C5: variants seen among roughly 807,000 people sequenced by gnomAD.
C5 encodes the protein C3 and PZP-like alpha-2-macroglobulin domain-containing protein 4.
Under a neutral mutation model 218.8 loss-of-function variants are expected in C5, and 140 were observed. The observed-to-expected ratio is 0.64, with a 90% CI of 0.56 to 0.74. The LOEUF (loss-of-function observed/expected upper bound fraction) is 0.74, where lower values mean the gene tolerates loss of function less well. C5 is among the 30% of genes least tolerant of loss of function. The probability of loss-of-function intolerance (pLI) is 0.00; values close to 1 mark genes in which losing one functional copy is unlikely to be tolerated. For synonymous variants in C5, 614 were observed against 682.3 expected, an observed-to-expected ratio of 0.90 and a Z score of 1.56; for missense variants, 1,700 against 1,969.6, an observed-to-expected ratio of 0.86 and a Z score of 2.59.
chr9:121,058,951 G>A, the C5 span, among the ~76,000 whole-genome samples: 1,193 of 152,330 alleles, frequency 7.8e-3, 13 homozygotes, highest in African/African-American at 0.027. Context: ...TGGCTGAAAT[G>A]ACCACCAGGC....
chr9:120,991,904 T>C (rs571439012), intron 22 of C5, among the ~76,000 whole-genome samples: 1 of 152,338 alleles, frequency 6.6e-6, no homozygotes, highest in East Asian at 1.9e-4. Flanking sequence ...GTCCTCTATG[T>C]TAGGTCTATT....
intron 17 of C5, among the ~76,000 whole-genome samples, chr9:121,009,023 A>AT (rs1161748110): frequency 6.6e-6 from 1 of 152,134 alleles, no homozygotes; most frequent in Non-Finnish European, 1.5e-5. Context: ...ATCTTTAATG[A>AT]TTTTTTTCTT....
intron 19 of C5, among the ~76,000 whole-genome samples, chr9:121,006,342 ATTAT>A (rs1288538486): frequency 3.3e-5 from 5 of 152,360 alleles, no homozygotes; most frequent in Non-Finnish European, 5.9e-5. Flanking sequence ...TTAGATATTC[ATTAT>A]TGGCTCCATG....
At chr9:121,010,408 C>T (rs546483367) in intron 17 of C5, among the ~76,000 whole-genome samples, 3 of 151,932 alleles carry the variant, frequency 2.0e-5, no homozygotes, top group East Asian at 3.9e-4. Flanking sequence ...AAATTAAATA[C>T]CTAGGAATTA....
At chr9:120,975,442 G>A (rs7853062) in intron 29 of C5, among the ~76,000 whole-genome samples, 20,604 of 152,034 alleles carry the variant, frequency 0.14, 1,698 homozygotes, top group African/African-American at 0.22. Context: ...ATTTTTCTTG[G>A]TGCCTGCTGT....
intron 3 of C5, among the ~76,000 whole-genome samples, chr9:121,039,880 G>A (rs1277116227): frequency 1.3e-5 from 2 of 151,954 alleles, no homozygotes; most frequent in African/African-American, 2.4e-5. Flanking sequence ...CTTGTGATCC[G>A]CCTGCCTCGG....
intron 1 of C5, among the ~76,000 whole-genome samples, chr9:121,047,168 C>T (rs2047634681): frequency 6.6e-6 from 1 of 152,168 alleles, no homozygotes; most frequent in African/African-American, 2.4e-5. Flanking sequence ...GCCAATGATG[C>T]TGGTACTATC....
rs562252296 is a variant in C5, at chr9:121,021,233, T to C, written c.1302+276A>G. The stretch of plus-strand genomic sequence containing the variant: ...TTCCTAACACTCATGTGCACTGCTA[T>C]ACCTATTCTGAAGCTTCTAGAGTCT... On this transcript the variant is annotated intron_variant, in intron 11 of 40. Coordinates refer to ENST00000223642, the MANE Select transcript of C5 (RefSeq NM_001735.3). Among the ~76,000 whole-genome samples the C allele has an allele frequency of 7.2e-5, 11 of 152,322 alleles. No homozygotes were observed. The South Asian group carries it at 2.3e-3, about 32-fold the overall frequency.
At chr9:120,979,840 C>T in intron 28 of C5, 3 of 457,952 alleles carry the variant, frequency 6.6e-6, no homozygotes, top group Non-Finnish European at 8.1e-6. Context: ...GATCATGCCA[C>T]TGCACTCCAG....
At chr9:121,069,096 T>A in the C5 span, among the ~76,000 whole-genome samples, 1 of 152,162 alleles carries the variant, frequency 6.6e-6, no homozygotes, top group African/African-American at 2.4e-5. Context: ...TAGGAAAGAT[T>A]TTATGAATAA....
At chr9:121,063,722 T>G in the C5 span, among the ~76,000 whole-genome samples, 1 of 152,218 alleles carries the variant, frequency 6.6e-6, no homozygotes. Context: ...AGTGGCAATG[T>G]GCAAAATGTT....
At chr9:120,956,810 A>C (rs1388460865) in intron 39 of C5, among the ~76,000 whole-genome samples, 1 of 152,246 alleles carries the variant, frequency 6.6e-6, no homozygotes, top group African/African-American at 2.4e-5. Flanking sequence ...ATTTTCACTT[A>C]TAAGTGGGAA....
At chr9:121,019,943 G>T in intron 12 of C5, 33 bp downstream of exon 12, 1 of 1,336,932 alleles carries the variant, frequency 7.5e-7, no homozygotes, top group Non-Finnish European at 1.1e-6. Context: ...CCAGGTGGGG[G>T]AATAAGATGT....
At chr9:121,015,801 T>C (rs372560465) in intron 15 of C5, among the ~76,000 whole-genome samples, 3 of 152,294 alleles carry the variant, frequency 2.0e-5, no homozygotes, top group East Asian at 1.9e-4. Flanking sequence ...TGTAAATAGA[T>C]CTAGTCCCTG....
At chr9:121,025,238 C>A (rs2047409538) in intron 9 of C5, among the ~76,000 whole-genome samples, 1 of 152,030 alleles carries the variant, frequency 6.6e-6, no homozygotes, top group Non-Finnish European at 1.5e-5. Context: ...TAATAGGGAC[C>A]CAATGGCTTG....
At chr9:121,062,115 C>T in the C5 span, among the ~76,000 whole-genome samples, 1 of 152,080 alleles carries the variant, frequency 6.6e-6, no homozygotes, top group Non-Finnish European at 1.5e-5. Context: ...GCACTCAAAA[C>T]AAGTTCCTGT....
chr9:121,003,295 A>G (rs2047187548), intron 20 of C5, among the ~76,000 whole-genome samples: 1 of 152,148 alleles, frequency 6.6e-6, no homozygotes, highest in African/African-American at 2.4e-5. Flanking sequence ...TGTCTCAAAA[A>G]AAGAAAAAAA....
chr9:121,052,207 A>G (rs1037197402), upstream of C5, among the ~76,000 whole-genome samples: 22 of 152,140 alleles, frequency 1.4e-4, no homozygotes, highest in African/African-American at 5.3e-4. Flanking sequence ...CTGTAATCCC[A>G]GATCTTTGGG....
At chr9:121,001,421 T>C (rs899632263) in intron 20 of C5, among the ~76,000 whole-genome samples, 2 of 152,198 alleles carry the variant, frequency 1.3e-5, no homozygotes, top group Non-Finnish European at 2.9e-5. Context: ...TCAACATTGC[T>C]AGTAATCAGG....
Sources: gnomAD v4.1 joint callset for allele counts (sites outside exome capture counted in the v4.1 genomes callset) on GRCh38, gnomAD v4.1.1 for gene constraint, MANE v1.5 for transcripts, NCBI Gene and HGNC (gene_info 2026-07-23, HGNC 2026-07-21) for gene names.